The following SHCBP1L variants were observed in gnomAD, a reference collection of about 807,000 sequenced individuals.
SHCBP1L encodes the protein testicular spindle-associated protein SHCBP1L.
Under a neutral mutation model 62.5 loss-of-function variants are expected in SHCBP1L, and 67 were observed. The observed-to-expected ratio is 1.07, with a 90% confidence interval of 0.88 to 1.31. SHCBP1L has a LOEUF of 1.31. Ranked by LOEUF, SHCBP1L falls within the 40% of genes most tolerant of loss-of-function variation. SHCBP1L has a pLI of 0.00. For missense variants in SHCBP1L, 823 were observed against 809.8 expected, an observed-to-expected ratio of 1.02 and a Z score of -0.20; for synonymous variants, 284 against 289.4, an observed-to-expected ratio of 0.98 and a Z score of 0.19.
chr1:182,904,184 G>A lies in SHCBP1L; in HGVS notation c.1583C>T (p.Ala528Val), dbSNP rs1319779231. The A allele has an allele frequency of 1.2e-6, 2 of 1,613,694 alleles. No homozygotes were observed. The highest frequency in any genetic ancestry group is 3.3e-5 in the Admixed American group (2 of 59,954). The change falls in exon 8 of 10, where the codon GCC (alanine) becomes GTC (valine). Residue 528 changes from alanine (A) to valine (V), a missense_variant. Transcript: ENST00000367547. ...LTITDSEITG[A>V]QGAGVELYPG... ...ACTTTTTAAAGAATGAAATACCTGG[G>A]CGCCAGTTATTTCACTGTCTGTAAT...
chr1:182,945,456 C>T (rs1201467484), intron 2 of SHCBP1L, among the ~76,000 whole-genome samples: 2 of 152,212 alleles, frequency 1.3e-5, no homozygotes, highest in Non-Finnish European at 2.9e-5. Context: ...CTGCTATGTA[C>T]ATAGCTGTTA....
chr1:182,907,754 T>A lies in SHCBP1L; in HGVS notation c.1183-2105A>T, dbSNP rs1049029743. ...CCACTGCACCCGGCTAATTTTTGTA[T>A]TTTTAGTGGAGACGGGGTTTCACCA... On this transcript the variant is annotated intron_variant, in intron 6 of 9. Coordinates refer to ENST00000367547, the MANE Select transcript of SHCBP1L (RefSeq NM_030933.4). Among the ~76,000 whole-genome samples, 6 of 151,868 alleles carry A rather than the reference T, an allele frequency of 4.0e-5. No homozygotes were observed. In the East Asian group the frequency reaches 1.2e-3, roughly 30 times the overall value.
intron 2 of SHCBP1L, among the ~76,000 whole-genome samples, chr1:182,949,962 T>C (rs1370109849): frequency 6.6e-6 from 1 of 151,850 alleles, no homozygotes; most frequent in Non-Finnish European, 1.5e-5. Flanking sequence ...CCTGTTTTTC[T>C]GGTAGAGATG....
At chr1:182,901,674 G>T (rs1321850068) in intron 9 of SHCBP1L, among the ~76,000 whole-genome samples, 2 of 152,174 alleles carry the variant, frequency 1.3e-5, no homozygotes, top group Admixed American at 1.3e-4. Context: ...TGGGGAGCTT[G>T]TTAAAGACCA....
intron 1 of SHCBP1L, chr1:182,952,431 CAA>C: frequency 2.9e-6 from 1 of 339,728 alleles, no homozygotes; most frequent in South Asian, 8.7e-5. Flanking sequence ...CATGCCTGTG[CAA>C]TGATAAGGCC....
At chr1:182,907,384 G>A (rs553683070) in intron 6 of SHCBP1L, among the ~76,000 whole-genome samples, 1 of 147,040 alleles carries the variant, frequency 6.8e-6, no homozygotes, top group African/African-American at 2.5e-5. Context: ...AGTAAGCGGA[G>A]ATGGTGCCAT....
At chr1:182,942,771 A>G (rs1348259625) in intron 2 of SHCBP1L, among the ~76,000 whole-genome samples, 1 of 152,242 alleles carries the variant, frequency 6.6e-6, no homozygotes, top group African/African-American at 2.4e-5. Flanking sequence ...AAGTACAGCC[A>G]ATGAAATTCT....
chr1:182,936,064 T>G (rs1651157053), intron 5 of SHCBP1L, among the ~76,000 whole-genome samples: 1 of 151,908 alleles, frequency 6.6e-6, no homozygotes, highest in Non-Finnish European at 1.5e-5. Context: ...GTTGCACTTG[T>G]CCTTTGTTTC....
chr1:182,929,775 A>G, intron 5 of SHCBP1L, 23 bp from the exon 6 acceptor site: 1 of 1,468,618 alleles, frequency 6.8e-7, no homozygotes, highest in Non-Finnish European at 9.3e-7. Flanking sequence ...ATATTTAGTT[A>G]TAATTAAATT....
chr1:182,924,700 GGAAGAAAGAAA>G lies in SHCBP1L; in HGVS notation c.1182+4936_1182+4946del, dbSNP rs1467403746. 2.5e-3 allele frequency among the ~76,000 whole-genome samples: 207 copies of G among 84,174 alleles called. 1 individual carries two copies. The highest frequency in any genetic ancestry group is 5.9e-3 in the Middle Eastern group (1 of 170). The allele number at this position is 84,174 out of a possible 152,430, so 55.2% of individuals were successfully genotyped here. ...AGAAAGGAAAGGAAAGGAAAGGAAA[GGAAGAAAGAAA>G]GAAAGAAAGAAAGAAAGAAAGAAAG... On this transcript the variant is annotated intron_variant, in intron 6 of 9. Transcript: ENST00000367547.
intron 2 of SHCBP1L, among the ~76,000 whole-genome samples, chr1:182,946,400 T>C (rs1191964857): frequency 6.6e-6 from 1 of 152,078 alleles, no homozygotes; most frequent in Non-Finnish European, 1.5e-5. Flanking sequence ...ATCAGTATCA[T>C]TAAGTCTTTT....
In SHCBP1L at chr1:182,944,204, G is replaced by C. The variant is rs183023540; in HGVS notation, c.556-3661C>G. On this transcript the variant is annotated intron_variant, in intron 2 of 9. Transcript: ENST00000367547. The stretch of plus-strand genomic sequence containing the variant: ...GCAGATCACCTGAGGTCAGGAGTTT[G>C]AGACCAGCCTGGCCAACGTGCTGAA... 6.9e-4 allele frequency among the ~76,000 whole-genome samples: 105 copies of C among 151,436 alleles called. 1 individual carries two copies. Among genetic ancestry groups the C allele is most frequent in the African/African-American group, 2.3e-3 (97 of 41,284 alleles).
At chr1:182,930,570 TATATATATATATATATATATATATAC>T (rs1363855136) in intron 5 of SHCBP1L, among the ~76,000 whole-genome samples, 1 of 123,174 alleles carries the variant, frequency 8.1e-6, no homozygotes. Flanking sequence ...TATATATATA[TATATATATATATATATATATATATAC>T]ACATATATAC....
Position 182,939,490 on chromosome 1 carries a change from T to C in SHCBP1L, c.834A>G (p.Ala278=), listed in dbSNP as rs1651286372. ...DDEESCENYT[A]LIEERINLWC... ...ACAAATTAATTCTTTCTTCAATAAG[T>C]GCAGTATAATTCTCACAACTTTCTT... Residue 278 remains alanine, a synonymous_variant, in exon 4 of 10, where the codon GCA becomes GCG. Transcript: ENST00000367547. The C allele has an allele frequency of 1.2e-6, 2 of 1,608,486 alleles. No individual in the cohort carries two copies. The highest frequency in any genetic ancestry group is 1.7e-6 in the Non-Finnish European group (2 of 1,177,618).
chr1:182,940,616 T>A (rs775068381), intron 2 of SHCBP1L, 73 bp from the exon 3 acceptor site: 9 of 1,231,334 alleles, frequency 7.3e-6, no homozygotes, highest in Non-Finnish European at 1.0e-5. Context: ...CTTTCTCATA[T>A]ATGAGCTCAT....
intron 6 of SHCBP1L, among the ~76,000 whole-genome samples, chr1:182,907,574 A>C (rs760591166): frequency 1.3e-4 from 19 of 150,672 alleles, no homozygotes; most frequent in Non-Finnish European, 2.2e-4. Flanking sequence ...TATTATTATT[A>C]TTATTATTGT....
At chr1:182,952,191 AATATATATATATATATATAT>A (rs869051143) in intron 1 of SHCBP1L, among the ~76,000 whole-genome samples, 296 of 24,210 alleles carry the variant, frequency 0.012, no homozygotes, top group South Asian at 0.016. Flanking sequence ...AAAAAAAAAA[AATATATATATATATATATAT>A]ATATATATAT....
chr1:182,939,008 C>G (rs1293338643), intron 5 of SHCBP1L, among the ~76,000 whole-genome samples, 168 bp downstream of exon 5: 4 of 152,156 alleles, frequency 2.6e-5, no homozygotes, highest in Non-Finnish European at 4.4e-5. Flanking sequence ...GTGAATTCAG[C>G]TAATACAATT....
intron 5 of SHCBP1L, among the ~76,000 whole-genome samples, chr1:182,933,960 G>A (rs1651089022): frequency 6.6e-6 from 1 of 152,094 alleles, no homozygotes; most frequent in Non-Finnish European, 1.5e-5. Context: ...TCTAGTCCTT[G>A]ACTTTCCTTT....
Sources: allele counts gnomAD v4.1 joint callset (sites outside exome capture counted in the v4.1 genomes callset), GRCh38; gene constraint gnomAD v4.1.1; transcripts MANE v1.5; gene names NCBI Gene and HGNC (gene_info 2026-07-23, HGNC 2026-07-21).